The following ANKFN1 variants were observed in gnomAD, a reference collection of about 807,000 sequenced individuals.
ANKFN1 encodes ankyrin repeat and fibronectin type III domain containing 1, also known as ankyrin repeat and fibronectin type-III domain-containing protein 1.
A neutral mutation model predicts 108.7 loss-of-function variants in ANKFN1; 74 were observed. The ratio of observed to expected loss-of-function variants is 0.68; its 90% CI spans 0.56 to 0.83. The LOEUF (loss-of-function observed/expected upper bound fraction) is 0.83. ANKFN1 is among the 40% of genes least tolerant of loss of function. The pLI, the probability that ANKFN1 is intolerant of heterozygous loss-of-function variation, is 0.00. For missense variants in ANKFN1, 1,505 were observed against 1,382.3 expected, an observed-to-expected ratio of 1.09 and a Z score of -1.41; for synonymous variants, 547 against 516.2, an observed-to-expected ratio of 1.06 and a Z score of -0.81.
intron 8 of ANKFN1, among the ~76,000 whole-genome samples, chr17:56,375,879 T>C (rs2046934202): frequency 1.3e-5 from 2 of 152,156 alleles, no homozygotes; most frequent in African/African-American, 4.8e-5. Flanking sequence ...TGATTCCAAC[T>C]TTGCAGATGG....
intron 8 of ANKFN1, among the ~76,000 whole-genome samples, chr17:56,384,762 G>A (rs1225292781): frequency 1.3e-5 from 2 of 151,916 alleles, no homozygotes; most frequent in Non-Finnish European, 2.9e-5. Context: ...CAACTTACAA[G>A]GGACGTGAAG....
chr17:56,308,849 T>C (rs1051724962), intron 3 of ANKFN1, among the ~76,000 whole-genome samples: 1 of 152,228 alleles, frequency 6.6e-6, no homozygotes, highest in African/African-American at 2.4e-5. Context: ...GCCTTTTATC[T>C]GTTAATATGG....
rs547424825 is a variant in ANKFN1 at position 56,355,300 on chromosome 17, T to C, written c.601+1254T>C. Among the ~76,000 whole-genome samples the C allele has an allele frequency of 2.0e-5, 3 of 152,290 alleles. No homozygotes were observed. The South Asian group carries it at 6.2e-4, about 32-fold the overall frequency. On this transcript the variant is annotated intron_variant, in intron 6 of 20. Transcript: ENST00000682825. The stretch of plus-strand genomic sequence containing the variant: ...GAAAAGCCTCTCTGATGTGGTGATA[T>C]TTGAGTTGAATTCTAGAAGATATGA...
chr17:56,438,654 G>A (rs1011441936), intron 8 of ANKFN1, among the ~76,000 whole-genome samples: 1 of 152,028 alleles, frequency 6.6e-6, no homozygotes, highest in African/African-American at 2.4e-5. Flanking sequence ...TGAACCCCCG[G>A]GCTTAAGCAA....
chr17:56,410,241 A>G (rs1031316454), intron 8 of ANKFN1, among the ~76,000 whole-genome samples: 1 of 151,874 alleles, frequency 6.6e-6, no homozygotes, highest in Non-Finnish European at 1.5e-5. Flanking sequence ...ACGCCCAGCT[A>G]ATTTTTGCAT....
chr17:56,508,833 A>T (rs2051653614), intron 20 of ANKFN1, among the ~76,000 whole-genome samples: 1 of 152,226 alleles, frequency 6.6e-6, no homozygotes, highest in Non-Finnish European at 1.5e-5. Context: ...AGAGACAGAT[A>T]TAATTTCTTA....
chr17:56,453,411 A>G (rs1372692718), intron 11 of ANKFN1, among the ~76,000 whole-genome samples: 1 of 152,116 alleles, frequency 6.6e-6, no homozygotes, highest in Non-Finnish European at 1.5e-5. Context: ...CTATATGGCT[A>G]TAATAATTAA....
chr17:56,306,860 G>C (rs1169966075), intron 3 of ANKFN1, among the ~76,000 whole-genome samples: 1 of 152,178 alleles, frequency 6.6e-6, no homozygotes, highest in African/African-American at 2.4e-5. Context: ...AAACAGCATG[G>C]TACTGGTACC....
intron 14 of ANKFN1, among the ~76,000 whole-genome samples, chr17:56,458,507 A>T (rs1049951361): frequency 1.3e-5 from 2 of 152,188 alleles, no homozygotes; most frequent in African/African-American, 2.4e-5. Flanking sequence ...AACAACGCTT[A>T]AAAGATTATC....
chr17:56,250,722 C>T (rs1169253879), intron 3 of ANKFN1, among the ~76,000 whole-genome samples: 1 of 152,222 alleles, frequency 6.6e-6, no homozygotes, highest in Non-Finnish European at 1.5e-5. Context: ...CTTCTCAGTA[C>T]AATAGACCAT....
chr17:56,352,534 T>C (rs775323891), intron 5 of ANKFN1, among the ~76,000 whole-genome samples: 1 of 152,236 alleles, frequency 6.6e-6, no homozygotes, highest in Non-Finnish European at 1.5e-5. Flanking sequence ...TCTTCTCCCA[T>C]GTGCTAAGAA....
intron 8 of ANKFN1, among the ~76,000 whole-genome samples, chr17:56,437,154 C>T (rs1175457354): frequency 1.3e-5 from 2 of 152,130 alleles, no homozygotes; most frequent in Non-Finnish European, 1.5e-5. Context: ...CTATTAATTC[C>T]CAAAACAGAA....
chr17:56,176,934 C>T (rs1359031517), intron 1 of ANKFN1, among the ~76,000 whole-genome samples: 1 of 152,298 alleles, frequency 6.6e-6, no homozygotes, highest in East Asian at 1.9e-4. Context: ...GATTGAAACA[C>T]TTGCTATTCC....
intron 18 of ANKFN1, among the ~76,000 whole-genome samples, chr17:56,486,688 A>C (rs2050868367): frequency 6.6e-6 from 1 of 152,218 alleles, no homozygotes; most frequent in African/African-American, 2.4e-5. Context: ...TAAAGGGTCA[A>C]GAGATACACT....
At chr17:56,170,807 T>TATATATATATATACACACACACACACAC (rs1361307404) in intron 1 of ANKFN1, among the ~76,000 whole-genome samples, 1 of 61,450 alleles carries the variant, frequency 1.6e-5, no homozygotes, top group East Asian at 9.7e-4. Flanking sequence ...TATATATATA[T>TATATATATATATACACACACACACACAC]ACACACACAC....
At chr17:56,105,077 G>C (rs1225867332) in intron 4 of ANKFN1, among the ~76,000 whole-genome samples, 1 of 152,166 alleles carries the variant, frequency 6.6e-6, no homozygotes, top group African/African-American at 2.4e-5. Flanking sequence ...GGTGTACAGA[G>C]GGAAATATGC....
At chr17:56,488,493 A>T (rs2050928007) in intron 18 of ANKFN1, among the ~76,000 whole-genome samples, 1 of 152,200 alleles carries the variant, frequency 6.6e-6, no homozygotes, top group Admixed American at 6.5e-5. Context: ...ATGACAAATG[A>T]TGAGTTTTGA....
intron 19 of ANKFN1, among the ~76,000 whole-genome samples, chr17:56,497,506 C>T (rs2051237029): frequency 1.3e-5 from 2 of 152,120 alleles, no homozygotes; most frequent in South Asian, 4.1e-4. Context: ...GTCAGACCTA[C>T]TGTGTGTTTG....
chr17:56,319,832 G>A (rs974148703), intron 3 of ANKFN1, among the ~76,000 whole-genome samples: 5 of 152,108 alleles, frequency 3.3e-5, no homozygotes, highest in South Asian at 2.1e-4. Context: ...TTATCAGCCC[G>A]AACTTCATAA....
Sources: allele counts gnomAD v4.1 joint callset (sites outside exome capture counted in the v4.1 genomes callset), GRCh38; gene constraint gnomAD v4.1.1; transcripts MANE v1.5; gene names NCBI Gene and HGNC (gene_info 2026-07-23, HGNC 2026-07-21).